Variants in ATP2B4 observed in about 807,000 individuals in gnomAD.
ATP2B4 encodes the protein plasma membrane calcium-transporting ATPase 4.
ATP2B4 carries 39 observed loss-of-function variants against 110.3 expected under a neutral mutation model. That is an observed-to-expected ratio of 0.35 (90% CI 0.27 to 0.46). The LOEUF (loss-of-function observed/expected upper bound fraction) is 0.46. Among genes scored for constraint, ATP2B4 ranks in the 20% least tolerant of loss-of-function variants. The pLI is 1.00. For synonymous variants in ATP2B4, 538 were observed against 571.7 expected, an observed-to-expected ratio of 0.94 and a Z score of 0.84; for missense variants, 1,135 against 1,530.9, an observed-to-expected ratio of 0.74 and a Z score of 4.32.
chr1:203,675,821 A>G (rs1418734505), intron 1 of ATP2B4, among the ~76,000 whole-genome samples: 1 of 152,110 alleles, frequency 6.6e-6, no homozygotes, highest in Non-Finnish European at 1.5e-5. Context: ...GTTTTCTCAA[A>G]AACTAAAAGG....
intron 1 of ATP2B4, among the ~76,000 whole-genome samples, chr1:203,627,492 G>C (rs1177073964): frequency 6.6e-6 from 1 of 152,172 alleles, no homozygotes; most frequent in African/African-American, 2.4e-5. Flanking sequence ...GGGTAATGGA[G>C]GGTTCTCTTT....
chr1:203,666,320 A>G (rs1024340621), intron 1 of ATP2B4, among the ~76,000 whole-genome samples: 2 of 7,080 alleles, frequency 2.8e-4, no homozygotes, highest in South Asian at 0.17. Flanking sequence ...GGTTTCTTAC[A>G]ATGTTCTCCA....
Position 203,699,706 on chromosome 1 carries a change from A to C in ATP2B4, c.638A>C (p.Gln213Pro), listed in dbSNP as rs778763585. 2 of 1,614,046 alleles carry C rather than the reference A, an allele frequency of 1.2e-6. No individual in the cohort carries two copies. The highest frequency in any genetic ancestry group is 2.2e-5 in the East Asian group (1 of 44,884). Residue 213 changes from glutamine (Q) to proline (P), a missense_variant, in exon 4 of 21, where the codon CAA becomes CCA. By Grantham distance (76) the Gln-to-Pro change is moderately conservative. Coordinates refer to ENST00000357681, the MANE Select transcript of ATP2B4 (RefSeq NM_001684.5). The part of the protein sequence containing the change: ...VAEIVVGDIA[Q>P]VKYGDLLPAD... ...GAGATTGTGGTTGGTGATATTGCCC[A>C]AGTCAAATACGGTGAGAGCTCCGTG... is the stretch of plus-strand genomic sequence containing the variant.
chr1:203,639,138 T>C (rs1663551758), intron 1 of ATP2B4, among the ~76,000 whole-genome samples: 1 of 152,154 alleles, frequency 6.6e-6, no homozygotes, highest in Non-Finnish European at 1.5e-5. Context: ...GGAAGCACTA[T>C]TAACTCCATC....
chr1:203,716,588 C>T (rs554017501), intron 15 of ATP2B4, among the ~76,000 whole-genome samples: 1 of 145,216 alleles, frequency 6.9e-6, no homozygotes, highest in African/African-American at 2.5e-5. Flanking sequence ...AAGGGCCCAC[C>T]CTGCAAGCAT....
intron 2 of ATP2B4, among the ~76,000 whole-genome samples, chr1:203,694,730 C>G (rs1360036224): frequency 6.6e-6 from 1 of 152,076 alleles, no homozygotes; most frequent in Non-Finnish European, 1.5e-5. Flanking sequence ...TGCCTTGGAT[C>G]TTAAAAAAGA....
chr1:203,666,411 C>A (rs1457897778), intron 1 of ATP2B4, among the ~76,000 whole-genome samples: 1 of 152,212 alleles, frequency 6.6e-6, no homozygotes, highest in Non-Finnish European at 1.5e-5. Flanking sequence ...GGCCTCAATT[C>A]TGGAAACAGC....
At chr1:203,738,730 A>G (rs1386802915) in intron 20 of ATP2B4, among the ~76,000 whole-genome samples, 2 of 152,186 alleles carry the variant, frequency 1.3e-5, no homozygotes, top group Non-Finnish European at 2.9e-5. Context: ...ATGAACGTGC[A>G]TTTGAATTAT....
intron 2 of ATP2B4, among the ~76,000 whole-genome samples, chr1:203,692,871 T>C (rs1229181720): frequency 1.3e-5 from 2 of 152,166 alleles, no homozygotes; most frequent in Admixed American, 1.3e-4. Context: ...GCAGGGGCCG[T>C]GCACCTCCCC....
chr1:203,724,069 G>A (rs1666430341), intron 19 of ATP2B4, 81 bp downstream of exon 19: 2 of 1,202,248 alleles, frequency 1.7e-6, no homozygotes, highest in South Asian at 1.5e-5. Context: ...ACAAGCAACG[G>A]TGGAGACCCC....
intron 1 of ATP2B4, chr1:203,657,701 G>T (rs1013435371): frequency 1.6e-5 from 12 of 758,200 alleles, no homozygotes; most frequent in Non-Finnish European, 2.7e-5. Flanking sequence ...TCTTCTCATG[G>T]TAATCCAAAC....
chr1:203,652,780 A>G (rs991790707), intron 1 of ATP2B4, among the ~76,000 whole-genome samples: 1 of 152,214 alleles, frequency 6.6e-6, no homozygotes, highest in Non-Finnish European at 1.5e-5. Flanking sequence ...GCAGCAAACA[A>G]TCAACAAATG....
At chr1:203,702,466 T>G (rs972825575) in intron 7 of ATP2B4, among the ~76,000 whole-genome samples, 3 of 152,086 alleles carry the variant, frequency 2.0e-5, no homozygotes, top group Non-Finnish European at 4.4e-5. Flanking sequence ...GTGGGGTGGG[T>G]AGTCCCTGCA....
At chr1:203,653,987 T>TA (rs1558017318) in intron 1 of ATP2B4, among the ~76,000 whole-genome samples, 10 of 141,140 alleles carry the variant, frequency 7.1e-5, no homozygotes, top group African/African-American at 2.5e-4. Flanking sequence ...ATATATATAT[T>TA]TTTTTTTTTT....
At chr1:203,645,939 G>T in intron 1 of ATP2B4, among the ~76,000 whole-genome samples, 1 of 151,722 alleles carries the variant, frequency 6.6e-6, no homozygotes, top group East Asian at 2.0e-4. Context: ...CTACCTTATC[G>T]TATGATCATT....
At chr1:203,684,684 GA>G (rs942710001) in intron 2 of ATP2B4, among the ~76,000 whole-genome samples, 10 of 146,146 alleles carry the variant, frequency 6.8e-5, no homozygotes, top group Middle Eastern at 3.5e-3. Flanking sequence ...TAAATAAAAA[GA>G]AAAAAAAAAG....
At chr1:203,732,230 G>C (rs1376197382) in intron 20 of ATP2B4, among the ~76,000 whole-genome samples, 1 of 151,908 alleles carries the variant, frequency 6.6e-6, no homozygotes, top group Non-Finnish European at 1.5e-5. Context: ...TGAGGAACAG[G>C]GCACTGAAAA....
intron 1 of ATP2B4, among the ~76,000 whole-genome samples, chr1:203,646,761 C>CA (rs1206809232): frequency 2.6e-5 from 4 of 151,118 alleles, no homozygotes; most frequent in South Asian, 4.2e-4. Context: ...GACTCCATCT[C>CA]AAAAAAAATA....
intron 2 of ATP2B4, among the ~76,000 whole-genome samples, chr1:203,695,828 T>C (rs1287925087): frequency 6.6e-6 from 1 of 151,910 alleles, no homozygotes. Flanking sequence ...CTGCAAATAA[T>C]GCTCCCTTGG....
Sources: gnomAD v4.1 joint callset for allele counts (sites outside exome capture counted in the v4.1 genomes callset) on GRCh38, gnomAD v4.1.1 for gene constraint, MANE v1.5 for transcripts, NCBI Gene and HGNC (gene_info 2026-07-23, HGNC 2026-07-21) for gene names.